IZUMO1: variants seen among roughly 807,000 people sequenced by gnomAD.
IZUMO1 encodes the protein izumo sperm-egg fusion protein 1.
In IZUMO1, 44 loss-of-function variants were observed where a neutral mutation model predicts 40.7. The ratio of observed to expected loss-of-function variants is 1.08; its 90% CI spans 0.85 to 1.39. IZUMO1 has a LOEUF of 1.39. IZUMO1 is among the 40% of genes most tolerant of loss of function. IZUMO1 has a pLI of 0.00. For synonymous variants in IZUMO1, 149 were observed against 170.9 expected (o/e 0.87, Z 1.00); for missense variants, 368 against 436.9 (o/e 0.84, Z 1.41).
At position 48,743,553 on chromosome 19, in the gene IZUMO1, T is replaced by A. The variant is rs141674929; in HGVS notation, c.419-28A>T. On this transcript the variant is annotated intron_variant, in intron 5 of 9. Transcript: ENST00000332955. ...GGAGGGGCAGGGTCAAGGCTTGTATTTGCCCACTAAGGGGCATGGCTAAAA... is the reference window on the plus strand; with the variant it reads ...GGAGGGGCAGGGTCAAGGCTTGTATATGCCCACTAAGGGGCATGGCTAAAA... 4.6e-4 allele frequency: 711 copies of A among 1,560,984 alleles called. 4 individuals are homozygous for A. In the African/African-American group the frequency reaches 8.2e-3, roughly 18 times the overall value.
chr19:48,741,650 G>T lies in IZUMO1; in HGVS notation c.754+139C>A. The stretch of plus-strand genomic sequence containing the variant: ...CCTCGGGGCCAGAGGCCACGCCCCC[G>T]GCAGGAAGCCACACCCCGTGCCCCG... On this transcript the variant is annotated intron_variant, in intron 8 of 9. Coordinates refer to ENST00000332955, the MANE Select transcript of IZUMO1 (RefSeq NM_182575.3). The surrounding 1 kb of genome is among the most constrained non-coding windows in gnomAD (Gnocchi z 4.4). 7.8e-7 allele frequency: 1 copy of T among 1,289,244 alleles called. No homozygotes were observed. Among genetic ancestry groups the T allele is most frequent in the Non-Finnish European group, 1.0e-6 (1 of 952,676 alleles). The allele number at this position is 1,289,244 out of a possible 1,614,324, so 79.9% of individuals were successfully genotyped here.
Position 48,743,382 on chromosome 19 carries a change from C to G in IZUMO1, c.499+63G>C, listed in dbSNP as rs756430621. 12 of 1,507,724 alleles carry G rather than the reference C, an allele frequency of 8.0e-6. No homozygotes were observed. In the African/African-American group the frequency reaches 1.5e-4, roughly 19 times the overall value. The allele number at this position is 1,507,724 out of a possible 1,614,324, so 93.4% of individuals were successfully genotyped here. ...CACCCCCATCTAGGCTCTCTCTAGACTGCCTCTCCTCTCGCCCCACCCCAC... is the reference window on the plus strand; with the variant it reads ...CACCCCCATCTAGGCTCTCTCTAGAGTGCCTCTCCTCTCGCCCCACCCCAC... On this transcript the variant is annotated intron_variant, in intron 6 of 9. Coordinates refer to ENST00000332955, the MANE Select transcript of IZUMO1 (RefSeq NM_182575.3).
Position 48,744,531 on chromosome 19 carries a change from A to G in IZUMO1, c.319T>C (p.Phe107Leu), listed in dbSNP as rs2033819636. The change falls in exon 4 of 10, where the codon TTC (phenylalanine) becomes CTC (leucine). Residue 107 changes from phenylalanine (F) to leucine (L), a missense_variant. Transcript: ENST00000332955. ...AACATCCAAAATAGCTCCTTCACGA[A>G]GAGATCGCCTGGGAAGACACAGGAA... is the stretch of plus-strand genomic sequence containing the variant. ...ITDSDVKGDL[F>L]VKELFWMLHL... 2.5e-6 allele frequency: 4 copies of G among 1,612,388 alleles called. No individual in the cohort carries two copies. Among genetic ancestry groups the G allele is most frequent in the African/African-American group, 1.3e-5 (1 of 75,020 alleles).
intron 6 of IZUMO1, among the ~76,000 whole-genome samples, chr19:48,742,725 C>CTTTTT (rs34894807): frequency 9.6e-5 from 9 of 93,504 alleles, no homozygotes; most frequent in African/African-American, 1.7e-4. Flanking sequence ...TTCTCTCTCT[C>CTTTTT]TTTTTTTTTT....
chr19:48,744,859 A>G (rs2033832180), intron 3 of IZUMO1, among the ~76,000 whole-genome samples: 1 of 151,990 alleles, frequency 6.6e-6, no homozygotes, highest in Admixed American at 6.6e-5. Context: ...GCTAATATGT[A>G]TACATATGTC....
At chr19:48,744,386 C>A in intron 4 of IZUMO1, 67 bp downstream of exon 4, 1 of 1,335,134 alleles carries the variant, frequency 7.5e-7, no homozygotes, top group Non-Finnish European at 1.1e-6. Flanking sequence ...AAGTAAGGGG[C>A]TGGAGACAAG....
chr19:48,742,725 CTTT>C lies in IZUMO1; in HGVS notation c.500-419_500-417del, dbSNP rs34894807. ...TCTTTTCTCTTTTCTTTCTCTCTCT[CTTT>C]TTTTTTTTTTTTTTTTTTAGATGAA... On this transcript the variant is annotated intron_variant, in intron 6 of 9. Coordinates refer to ENST00000332955, the MANE Select transcript of IZUMO1 (RefSeq NM_182575.3). 1.7e-3 allele frequency among the ~76,000 whole-genome samples: 158 copies of C among 93,486 alleles called. 1 individual carries two copies. The highest frequency in any genetic ancestry group is 6.6e-3 in the African/African-American group (152 of 22,976). 61.3% of individuals were successfully genotyped at this position (93,486 alleles called of 152,430 possible). A position where few individuals can be genotyped will look rare whatever the true frequency, so the allele number is the denominator to read the frequency against.
rs962127574 is a variant in IZUMO1 at position 48,744,174 on chromosome 19, C to T, written c.418+1G>A. Reference sequence around the variant, plus strand: ...GGTTAACTTCTGTAATCCAGACTCACCACATTTGTTGGGACAATAAGCTGT... The same window carrying T: ...GGTTAACTTCTGTAATCCAGACTCATCACATTTGTTGGGACAATAAGCTGT... On this transcript the variant is annotated splice_donor_variant, in intron 5 of 9. Transcript: ENST00000332955. LOFTEE classifies it high-confidence loss of function. The T allele has an allele frequency of 1.2e-6, 2 of 1,613,164 alleles. No homozygotes were observed. Among genetic ancestry groups the T allele is most frequent in the Non-Finnish European group, 1.7e-6 (2 of 1,179,322 alleles).
chr19:48,742,164 T>G, intron 7 of IZUMO1, 45 bp downstream of exon 7: 1 of 1,524,406 alleles, frequency 6.6e-7, no homozygotes, highest in Non-Finnish European at 9.1e-7. Context: ...AACACAAGTA[T>G]TGTAGTCTAG....
chr19:48,746,548 A>C lies in IZUMO1; in HGVS notation c.-187T>G, dbSNP rs2033890082. 5 of 985,822 alleles carry C rather than the reference A, an allele frequency of 5.1e-6. No homozygotes were observed. Among genetic ancestry groups the C allele is most frequent in the Non-Finnish European group, 6.0e-6 (5 of 830,338 alleles). The allele number at this position is 985,822 out of a possible 1,614,324, so 61.1% of individuals were successfully genotyped here. ...CAAAACTAACGGGCTCCCAATTTGCAGGGCGCACCCTTCCGCTTAGAAAAA... is the reference window on the plus strand; with the variant it reads ...CAAAACTAACGGGCTCCCAATTTGCCGGGCGCACCCTTCCGCTTAGAAAAA... On this transcript the variant is annotated 5_prime_UTR_variant, in exon 1 of 10. Transcript: ENST00000332955.
intron 2 of IZUMO1, 102 bp from the exon 3 acceptor site, chr19:48,745,390 C>A: frequency 8.6e-7 from 1 of 1,161,172 alleles, no homozygotes. Context: ...CAAAGATAGG[C>A]CTGGTTAAGG....
In IZUMO1 at chr19:48,745,225, C is replaced by A; in HGVS notation, c.299G>T (p.Ser100Ile). The A allele has an allele frequency of 1.9e-6, 3 of 1,613,936 alleles. No homozygotes were observed. The highest frequency in any genetic ancestry group is 2.5e-6 in the Non-Finnish European group (3 of 1,179,838). ...LLKDLKRITD[S>I]DVKGDLFVKE... ...CTTGATGCATTTACCTTTTACATCA[C>A]TGTCTGTGATGCGTTTCAGATCCTT... Residue 100 changes from serine to isoleucine, a missense_variant, in exon 3 of 10, where the codon AGT becomes ATT. Ser to Ile is a moderately radical substitution (Grantham distance 142). Coordinates refer to ENST00000332955, the MANE Select transcript of IZUMO1 (RefSeq NM_182575.3).
At position 48,741,892 on chromosome 19, in the gene IZUMO1, G is replaced by C; in HGVS notation, c.651C>G (p.Thr217=). The C allele has an allele frequency of 6.2e-7, 1 of 1,611,990 alleles. No homozygotes were observed. Residue 217 remains threonine (T), a synonymous_variant, in exon 8 of 10, where the codon ACC becomes ACG. Transcript: ENST00000332955. The surrounding 1 kb of genome is among the most constrained non-coding windows in gnomAD (Gnocchi z 4.4). The part of the protein sequence containing the change: ...ETLVSKGKEA[T]LTKPMVGPED... ...CTGGACCCACCATGGGCTTGGTCAG[G>C]GTGGCCTCTTTCCCCTTGGACACCA...
rs771498867 is a variant in IZUMO1 at position 48,743,428 on chromosome 19, G to A, written c.499+17C>T. 6.2e-7 allele frequency: 1 copy of A among 1,613,608 alleles called. No homozygotes were observed. Among genetic ancestry groups the A allele is most frequent in the Non-Finnish European group, 8.5e-7 (1 of 1,179,634 alleles). ...CCCACCTGCACCAATTCCTCCTGCTGGGTCCAGTTCTCTCACCCCCGCAAT... is the reference window on the plus strand; with the variant it reads ...CCCACCTGCACCAATTCCTCCTGCTAGGTCCAGTTCTCTCACCCCCGCAAT... On this transcript the variant is annotated intron_variant, in intron 6 of 9. Transcript: ENST00000332955.
chr19:48,745,492 G>A (rs189331180), intron 2 of IZUMO1, 133 bp downstream of exon 2: 5 of 1,171,668 alleles, frequency 4.3e-6, no homozygotes, highest in Non-Finnish European at 4.9e-6. Flanking sequence ...TAGCCTCGGG[G>A]AACCTCGGAA....
Position 48,744,532 on chromosome 19 carries a change from G to A in IZUMO1, c.318C>T (p.Leu106=), listed in dbSNP as rs2033819705. ...ACATCCAAAATAGCTCCTTCACGAA[G>A]AGATCGCCTGGGAAGACACAGGAAC... The part of the protein sequence containing the change: ...RITDSDVKGD[L]FVKELFWMLH... Residue 106 remains leucine (L), a synonymous_variant, in exon 4 of 10, where the codon CTC becomes CTT. Transcript: ENST00000332955. 1.9e-6 allele frequency: 3 copies of A among 1,612,258 alleles called. No homozygotes were observed. Among genetic ancestry groups the A allele is most frequent in the Non-Finnish European group, 2.5e-6 (3 of 1,178,280 alleles).
chr19:48,743,213 A>T, intron 6 of IZUMO1: 1 of 549,050 alleles, frequency 1.8e-6, no homozygotes, highest in East Asian at 3.1e-5. Context: ...TTTTTTGTAG[A>T]GATAGAGTCT....
At position 48,746,675 on chromosome 19, in the gene IZUMO1, C is replaced by G. The variant is rs531994546; in HGVS notation, c.-314G>C. The G allele has an allele frequency of 8.8e-5, 87 of 985,462 alleles. No individual in the cohort carries two copies. Among genetic ancestry groups the G allele is most frequent in the Non-Finnish European group, 9.9e-5 (82 of 829,944 alleles). The allele number at this position is 985,462 out of a possible 1,614,324, so 61.0% of individuals were successfully genotyped here. A position where few individuals can be genotyped will look rare whatever the true frequency, so the allele number is the denominator to read the frequency against. Reference sequence around the variant, plus strand: ...TAACACTAGGGTTCATTGAGGAGCCCGGTCCAGGTTCTGAGGGCTTTTAAA... The same window carrying G: ...TAACACTAGGGTTCATTGAGGAGCCGGGTCCAGGTTCTGAGGGCTTTTAAA... On this transcript the variant is annotated 5_prime_UTR_variant, in exon 1 of 10. Transcript: ENST00000332955.
At chr19:48,746,288 G>C (rs1035827300) in intron 1 of IZUMO1, 147 bp downstream of exon 1, 7 of 1,027,474 alleles carry the variant, frequency 6.8e-6, no homozygotes, top group Non-Finnish European at 8.2e-6. Flanking sequence ...CAACCCTTAA[G>C]AGCAACACCG....
Sources: allele counts gnomAD v4.1 joint callset (sites outside exome capture counted in the v4.1 genomes callset), GRCh38; gene constraint gnomAD v4.1.1; non-coding constraint Gnocchi (gnomAD v3.1); transcripts MANE v1.5; gene names NCBI Gene and HGNC (gene_info 2026-07-23, HGNC 2026-07-21).